The following NPAS3 variants were observed in gnomAD, a reference collection of about 807,000 sequenced individuals.
The protein encoded by NPAS3 is neuronal PAS domain protein 3.
Under a neutral mutation model 73.1 loss-of-function variants are expected in NPAS3, and 14 were observed. The ratio of observed to expected loss-of-function variants is 0.19; its 90% CI spans 0.13 to 0.30. The LOEUF (loss-of-function observed/expected upper bound fraction) is 0.30, where lower values mean the gene tolerates loss of function less well. Ranked by LOEUF, NPAS3 falls within the 10% of genes least tolerant of loss-of-function variation. NPAS3 has a pLI of 1.00. For synonymous variants in NPAS3, 620 were observed against 541.5 expected (o/e 1.14, Z -2.01); for missense variants, 1,096 against 1,250.0 (o/e 0.88, Z 1.86).
intron 3 of NPAS3, among the ~76,000 whole-genome samples, chr14:33,293,135 C>T (rs1450406223): frequency 6.6e-6 from 1 of 152,128 alleles, no homozygotes; most frequent in Non-Finnish European, 1.5e-5. Context: ...CCATGTTGCT[C>T]TTGACGAACC....
intron 5 of NPAS3, among the ~76,000 whole-genome samples, chr14:33,659,393 T>C (rs2059242676): frequency 6.6e-6 from 1 of 152,154 alleles, no homozygotes; most frequent in African/African-American, 2.4e-5. Flanking sequence ...TGTAAGAGCG[T>C]TAGAAAATCT....
chr14:33,159,056 A>C (rs1165159846), intron 2 of NPAS3, among the ~76,000 whole-genome samples: 1 of 152,070 alleles, frequency 6.6e-6, no homozygotes, highest in Non-Finnish European at 1.5e-5. Context: ...CCAACTACTC[A>C]GAGACCGAGG....
intron 6 of NPAS3, among the ~76,000 whole-genome samples, chr14:33,700,806 C>T (rs554864235): frequency 1.3e-5 from 2 of 152,262 alleles, no homozygotes; most frequent in East Asian, 1.9e-4. Context: ...GACCAATCCA[C>T]GTATAAATTT....
intron 4 of NPAS3, among the ~76,000 whole-genome samples, chr14:33,402,896 A>G (rs12433945): frequency 0.31 from 47,728 of 151,962 alleles, 8,784 homozygotes; most frequent in African/African-American, 0.5. Context: ...CAGCTCAGTG[A>G]ATGATCAAGT....
intron 1 of NPAS3, among the ~76,000 whole-genome samples, chr14:33,002,206 AG>A (rs2038833393): frequency 6.6e-6 from 1 of 152,188 alleles, no homozygotes; most frequent in Non-Finnish European, 1.5e-5. Flanking sequence ...TCATGTCGAT[AG>A]TTAAGATCCA....
At chr14:33,140,384 A>G (rs944167814) in intron 2 of NPAS3, among the ~76,000 whole-genome samples, 9 of 152,104 alleles carry the variant, frequency 5.9e-5, no homozygotes, top group African/African-American at 2.2e-4. Context: ...AACAGTCACT[A>G]TTTTGAGCTC....
intron 4 of NPAS3, among the ~76,000 whole-genome samples, chr14:33,439,669 A>C (rs2049149509): frequency 6.6e-6 from 1 of 152,270 alleles, no homozygotes; most frequent in Non-Finnish European, 1.5e-5. Context: ...AAAAATGTAA[A>C]ACCTGCAGAA....
At chr14:33,398,257 C>T (rs1198797863) in intron 4 of NPAS3, among the ~76,000 whole-genome samples, 1 of 152,118 alleles carries the variant, frequency 6.6e-6, no homozygotes, top group African/African-American at 2.4e-5. Context: ...CAGCATGCCA[C>T]ACTGTGCAGA....
At chr14:33,280,543 T>C (rs992673976) in intron 3 of NPAS3, among the ~76,000 whole-genome samples, 1 of 152,166 alleles carries the variant, frequency 6.6e-6, no homozygotes, top group African/African-American at 2.4e-5. Context: ...TCTGTTTCTT[T>C]ATCTATGAAA....
chr14:33,469,885 G>C (rs1014278436), intron 4 of NPAS3, among the ~76,000 whole-genome samples: 17 of 152,168 alleles, frequency 1.1e-4, no homozygotes, highest in African/African-American at 3.9e-4. Flanking sequence ...CCGTTTATTT[G>C]ACTTTTAAAT....
chr14:33,115,253 C>T (rs887484722), intron 2 of NPAS3, among the ~76,000 whole-genome samples: 7 of 152,054 alleles, frequency 4.6e-5, no homozygotes, highest in Non-Finnish European at 8.8e-5. Flanking sequence ...TTGAGAGAAA[C>T]GTTTCAACAC....
At chr14:33,294,245 C>A (rs1375242948) in intron 3 of NPAS3, among the ~76,000 whole-genome samples, 1 of 152,160 alleles carries the variant, frequency 6.6e-6, no homozygotes, top group African/African-American at 2.4e-5. Context: ...TATTCTTCAC[C>A]CACATTGGTC....
At position 33,558,868 on chromosome 14, in the gene NPAS3, C is replaced by T. The variant is rs147776723; in HGVS notation, c.469-1253C>T. ...ACGGCCTTTTTTTTTTTTTTAACAC[C>T]ACTCACATTTAAAAACTTTTTTTCC... On this transcript the variant is annotated intron_variant, in intron 4 of 11. Coordinates refer to ENST00000356141, the Ensembl canonical transcript of NPAS3. 7.2e-3 allele frequency among the ~76,000 whole-genome samples: 1,065 copies of T among 148,172 alleles called. 15 individuals carry two copies. Among genetic ancestry groups the T allele is most frequent in the African/African-American group, 0.025 (996 of 40,204 alleles).
intron 5 of NPAS3, among the ~76,000 whole-genome samples, chr14:33,664,373 A>G (rs2059393325): frequency 6.6e-6 from 1 of 152,196 alleles, no homozygotes; most frequent in Admixed American, 6.5e-5. Context: ...TTAACTCGAG[A>G]TGGATTAAAG....
intron 4 of NPAS3, among the ~76,000 whole-genome samples, chr14:33,428,166 G>A (rs1207359860): frequency 6.6e-6 from 1 of 152,078 alleles, no homozygotes; most frequent in East Asian, 1.9e-4. Flanking sequence ...AACTGATCTA[G>A]TGCATGGATA....
intron 2 of NPAS3, among the ~76,000 whole-genome samples, chr14:33,121,274 C>T (rs1175745709): frequency 6.6e-6 from 1 of 152,132 alleles, no homozygotes; most frequent in Non-Finnish European, 1.5e-5. Flanking sequence ...GACTTTTATT[C>T]ATACTTGACG....
intron 3 of NPAS3, among the ~76,000 whole-genome samples, chr14:33,349,078 C>T (rs1019913232): frequency 4.6e-5 from 7 of 152,032 alleles, no homozygotes; most frequent in South Asian, 4.1e-4. Context: ...CTGTTGAGGA[C>T]GGAGGTCAGA....
intron 3 of NPAS3, among the ~76,000 whole-genome samples, chr14:33,353,885 C>A (rs377181274): frequency 6.6e-6 from 1 of 152,020 alleles, no homozygotes; most frequent in Admixed American, 6.5e-5. Flanking sequence ...TTTCCCTATC[C>A]GATTCTAGTT....
intron 2 of NPAS3, among the ~76,000 whole-genome samples, chr14:33,091,761 AG>A (rs1215166447): frequency 5.9e-5 from 9 of 152,310 alleles, no homozygotes; most frequent in South Asian, 2.1e-4. Flanking sequence ...CACATCAAAA[AG>A]CTTATCCACC....
Sources: allele counts gnomAD v4.1 joint callset (sites outside exome capture counted in the v4.1 genomes callset), GRCh38; gene constraint gnomAD v4.1.1; transcripts MANE v1.5; gene names NCBI Gene and HGNC (gene_info 2026-07-23, HGNC 2026-07-21).